Variants in CELF4 observed in about 807,000 individuals in gnomAD.
CELF4 encodes the protein CUGBP Elav-like family member 4.
In CELF4, 18 loss-of-function variants were observed where a neutral mutation model predicts 59.9. That is an observed-to-expected ratio of 0.30 (90% CI 0.21 to 0.45). The LOEUF is 0.45. Among genes scored for constraint, CELF4 ranks in the 20% least tolerant of loss-of-function variants. The probability of loss-of-function intolerance (pLI) is 1.00; values close to 1 mark genes in which losing one functional copy is unlikely to be tolerated. For synonymous variants in CELF4, 261 were observed against 267.1 expected (o/e 0.98, Z 0.22); for missense variants, 456 against 689.0 (o/e 0.66, Z 3.79).
intron 7 of CELF4, 73 bp from the exon 8 acceptor site, chr18:37,270,990 T>C: frequency 1.5e-6 from 2 of 1,340,768 alleles, no homozygotes; most frequent in Admixed American, 2.6e-5. Context: ...GGCCCACCCA[T>C]AAAGCTTCAC....
At chr18:37,402,705 CA>C (rs1464270411) in intron 2 of CELF4, among the ~76,000 whole-genome samples, 1 of 152,174 alleles carries the variant, frequency 6.6e-6, no homozygotes, top group African/African-American at 2.4e-5. Context: ...TTTTGAAATT[CA>C]AAAAGATCTT....
At chr18:37,471,844 A>G (rs1435000858) in intron 2 of CELF4, among the ~76,000 whole-genome samples, 2 of 152,170 alleles carry the variant, frequency 1.3e-5, no homozygotes. Context: ...ACCTTCTCCC[A>G]GGCTCTGAGC....
chr18:37,266,486 G>A (rs1265233136), intron 9 of CELF4, 47 bp downstream of exon 9: 8 of 1,534,972 alleles, frequency 5.2e-6, no homozygotes, highest in Non-Finnish European at 7.1e-6. Flanking sequence ...GGCGTGGAGA[G>A]ATAAACGGAG....
At chr18:37,535,845 T>C (rs543980838) in intron 1 of CELF4, among the ~76,000 whole-genome samples, 2 of 152,312 alleles carry the variant, frequency 1.3e-5, no homozygotes, top group Non-Finnish European at 2.9e-5. Context: ...ATTCACTTCC[T>C]GGTAAAAAGG....
intron 3 of CELF4, among the ~76,000 whole-genome samples, chr18:37,312,162 T>C (rs969900438): frequency 3.1e-5 from 4 of 129,286 alleles, no homozygotes; most frequent in Admixed American, 8.0e-5. Flanking sequence ...CAGGGATCAT[T>C]GAGAATAAAA....
At chr18:37,397,950 AG>A (rs1163565208) in intron 2 of CELF4, among the ~76,000 whole-genome samples, 3 of 152,128 alleles carry the variant, frequency 2.0e-5, no homozygotes, top group Non-Finnish European at 4.4e-5. Context: ...TCTTTCCAGC[AG>A]GGGCTCCTCT....
intron 1 of CELF4, among the ~76,000 whole-genome samples, chr18:37,560,878 T>C (rs879596587): frequency 1.3e-5 from 2 of 152,232 alleles, no homozygotes; most frequent in Admixed American, 1.3e-4. Flanking sequence ...CTGAGAATTA[T>C]TATATCTTAA....
intron 3 of CELF4, among the ~76,000 whole-genome samples, chr18:37,289,261 C>T (rs2095123354): frequency 6.6e-6 from 1 of 151,970 alleles, no homozygotes; most frequent in South Asian, 2.1e-4. Flanking sequence ...GATGAGGCCA[C>T]AGGATACTGA....
chr18:37,301,410 C>T (rs1279575881), intron 3 of CELF4, among the ~76,000 whole-genome samples: 2 of 152,288 alleles, frequency 1.3e-5, no homozygotes, highest in Non-Finnish European at 2.9e-5. Flanking sequence ...AGTGTCCAGC[C>T]CAGCATACCC....
chr18:37,510,783 C>T (rs1414196679), intron 1 of CELF4, among the ~76,000 whole-genome samples: 3 of 152,184 alleles, frequency 2.0e-5, no homozygotes, highest in Admixed American at 6.5e-5. Context: ...GGTGCTTCCA[C>T]TTAGCCGTGC....
intron 2 of CELF4, among the ~76,000 whole-genome samples, chr18:37,459,308 T>C (rs960538688): frequency 6.6e-6 from 1 of 152,230 alleles, no homozygotes; most frequent in African/African-American, 2.4e-5. Context: ...CAGTCATCTC[T>C]CTAAAGCCAA....
chr18:37,367,620 A>G lies in CELF4; in HGVS notation c.370-45739T>C, dbSNP rs113323521. 5.1e-4 allele frequency among the ~76,000 whole-genome samples: 78 copies of G among 151,978 alleles called. 1 individual carries two copies. Among genetic ancestry groups the G allele is most frequent in the African/African-American group, 1.9e-3 (77 of 41,446 alleles). ...TGTGCAGGATGGTCTCTACCTTCCCAGGTGTAGGAACAGAGGAACAGAGGA... is the reference window on the plus strand; with the variant it reads ...TGTGCAGGATGGTCTCTACCTTCCCGGGTGTAGGAACAGAGGAACAGAGGA... On this transcript the variant is annotated intron_variant, in intron 2 of 12. Transcript: ENST00000420428.
chr18:37,476,503 T>C (rs1417338557), intron 2 of CELF4, among the ~76,000 whole-genome samples: 2 of 152,350 alleles, frequency 1.3e-5, no homozygotes, highest in Non-Finnish European at 1.5e-5. Context: ...CTCCAGCCCT[T>C]TCCTCTTTAC....
intron 2 of CELF4, among the ~76,000 whole-genome samples, chr18:37,374,860 C>G (rs1005364617): frequency 2.0e-5 from 3 of 152,202 alleles, no homozygotes; most frequent in Non-Finnish European, 4.4e-5. Flanking sequence ...TCCTCCAATC[C>G]TCTAAATGGT....
intron 2 of CELF4, among the ~76,000 whole-genome samples, chr18:37,399,017 C>T (rs537520962): frequency 1.3e-5 from 2 of 152,310 alleles, no homozygotes; most frequent in Non-Finnish European, 2.9e-5. Context: ...GTCTAGGAAA[C>T]CCCTTTCAGG....
rs187748394 is a variant in CELF4, at chr18:37,311,781, T to C, written c.448+10022A>G. Among the ~76,000 whole-genome samples the C allele has an allele frequency of 4.0e-3, 351 of 87,566 alleles. 6 individuals carry two copies. The Admixed American group carries it at 0.05, about 12-fold the overall frequency. The allele number at this position is 87,566 out of a possible 152,430, so 57.4% of individuals were successfully genotyped here. On this transcript the variant is annotated intron_variant, in intron 3 of 12. Transcript: ENST00000420428. ...TCCAGCCTGGGCGACAGAACCAGACTCCGTCTCAAAAAAAAAAAAAAAAAA... is the reference window on the plus strand; with the variant it reads ...TCCAGCCTGGGCGACAGAACCAGACCCCGTCTCAAAAAAAAAAAAAAAAAA...
chr18:37,485,521 T>C lies in CELF4; in HGVS notation c.369+4A>G. 7.5e-7 allele frequency: 1 copy of C among 1,331,426 alleles called. No homozygotes were observed. Among genetic ancestry groups the C allele is most frequent in the Non-Finnish European group, 9.7e-7 (1 of 1,027,854 alleles). The allele number at this position is 1,331,426 out of a possible 1,614,324, so 82.5% of individuals were successfully genotyped here. A position where few individuals can be genotyped will look rare whatever the true frequency, so the allele number is the denominator to read the frequency against. ...CCGCTTGCGCCACGGCGGGCGCCAC[T>C]TACCCCGGGCAGAGTCTTCTGCTCG... is the stretch of plus-strand genomic sequence containing the variant. On this transcript the variant is annotated splice_donor_region_variant and intron_variant, in intron 2 of 12. Transcript: ENST00000420428.
chr18:37,262,627 C>T (rs956528462), intron 10 of CELF4, among the ~76,000 whole-genome samples: 3 of 152,210 alleles, frequency 2.0e-5, no homozygotes, highest in Admixed American at 2.0e-4. Context: ...GACCCCTGAG[C>T]CAATAGGCCA....
intron 2 of CELF4, among the ~76,000 whole-genome samples, chr18:37,364,807 T>A (rs892794810): frequency 6.6e-6 from 1 of 152,070 alleles, no homozygotes; most frequent in African/African-American, 2.4e-5. Flanking sequence ...TGATGGGGTA[T>A]GGGAAAATAG....
Sources: gnomAD v4.1 joint callset for allele counts (sites outside exome capture counted in the v4.1 genomes callset) on GRCh38, gnomAD v4.1.1 for gene constraint, MANE v1.5 for transcripts, NCBI Gene and HGNC (gene_info 2026-07-23, HGNC 2026-07-21) for gene names.